FGFR2: variants seen among roughly 807,000 people sequenced by gnomAD.
FGFR2 encodes fibroblast growth factor receptor 2, also known as BEK fibroblast growth factor receptor.
Under a neutral mutation model 95.9 loss-of-function variants are expected in FGFR2, and 19 were observed. The ratio of observed to expected loss-of-function variants is 0.20; its 90% CI spans 0.14 to 0.29. The LOEUF (loss-of-function observed/expected upper bound fraction) is 0.29, where lower values mean the gene tolerates loss of function less well. FGFR2 is among the 10% of genes least tolerant of loss of function. FGFR2 has a pLI of 1.00. For missense variants in FGFR2, 707 were observed against 1,056.9 expected, an observed-to-expected ratio of 0.67 and a Z score of 4.59; for synonymous variants, 392 against 393.3, an observed-to-expected ratio of 1.00 and a Z score of 0.04.
intron 13 of FGFR2, among the ~76,000 whole-genome samples, chr10:121,489,745 T>G (rs1165676033): frequency 6.6e-6 from 1 of 152,194 alleles, no homozygotes; most frequent in Admixed American, 6.5e-5. Flanking sequence ...CAAGTCCTGT[T>G]GATTTCAACT....
At chr10:121,525,529 C>T (rs1326900405) in intron 6 of FGFR2, among the ~76,000 whole-genome samples, 3 of 152,136 alleles carry the variant, frequency 2.0e-5, no homozygotes, top group African/African-American at 7.2e-5. Flanking sequence ...AGGATGGGCT[C>T]TGTCAAGCCC....
intron 2 of FGFR2, among the ~76,000 whole-genome samples, chr10:121,589,993 C>A (rs1862391982): frequency 6.6e-6 from 1 of 152,172 alleles, no homozygotes; most frequent in Non-Finnish European, 1.5e-5. Context: ...TACAATACTT[C>A]TAACAAAGGA....
intron 9 of FGFR2, among the ~76,000 whole-genome samples, chr10:121,513,122 C>A (rs925216994): frequency 6.6e-6 from 1 of 152,238 alleles, no homozygotes; most frequent in African/African-American, 2.4e-5. Flanking sequence ...GATCCACGCG[C>A]CTCAGCCTCC....
chr10:121,559,431 T>C (rs1856638988), intron 4 of FGFR2, among the ~76,000 whole-genome samples: 1 of 152,184 alleles, frequency 6.6e-6, no homozygotes, highest in South Asian at 2.1e-4. Context: ...GCCGTGGCAT[T>C]CCTCTGTCCA....
intron 9 of FGFR2, among the ~76,000 whole-genome samples, chr10:121,504,402 C>T (rs985281861): frequency 1.3e-5 from 2 of 152,132 alleles, no homozygotes; most frequent in Admixed American, 6.5e-5. Context: ...ATTGGCTCTA[C>T]CATATTTCCT....
chr10:121,506,138 C>T (rs914922211), intron 9 of FGFR2, among the ~76,000 whole-genome samples: 3 of 152,048 alleles, frequency 2.0e-5, no homozygotes, highest in Non-Finnish European at 2.9e-5. Flanking sequence ...GGGCAGATCA[C>T]TTGAGGTCAG....
intron 4 of FGFR2, among the ~76,000 whole-genome samples, chr10:121,556,832 C>T (rs1260901429): frequency 6.6e-6 from 1 of 152,186 alleles, no homozygotes; most frequent in Non-Finnish European, 1.5e-5. Flanking sequence ...CCACTAAAGC[C>T]TCTGTCTCGA....
chr10:121,534,913 G>A (rs918854424), intron 6 of FGFR2, among the ~76,000 whole-genome samples: 3 of 152,276 alleles, frequency 2.0e-5, no homozygotes, highest in East Asian at 3.9e-4. Context: ...GAGAAGGTAC[G>A]TCCACGTCCT....
chr10:121,480,970 T>C (rs1039520423), intron 17 of FGFR2, among the ~76,000 whole-genome samples: 4 of 152,088 alleles, frequency 2.6e-5, no homozygotes, highest in African/African-American at 9.7e-5. Flanking sequence ...GAATAAAATT[T>C]ATATACAATT....
chr10:121,480,360 G>A (rs2133694597), intron 17 of FGFR2: 1 of 428,732 alleles, frequency 2.3e-6, no homozygotes, highest in East Asian at 4.1e-5. Context: ...TATAGGTGCT[G>A]GGCAGGCAAC....
At chr10:121,498,757 A>T in intron 11 of FGFR2, 152 bp from the exon 12 acceptor site, 1 of 723,518 alleles carries the variant, frequency 1.4e-6, no homozygotes, top group South Asian at 1.6e-5. Context: ...TTTATCGAGG[A>T]AGGGACAAAG....
intron 9 of FGFR2, among the ~76,000 whole-genome samples, chr10:121,514,607 T>C (rs1023618884): frequency 2.0e-5 from 3 of 152,196 alleles, no homozygotes; most frequent in African/African-American, 4.8e-5. Flanking sequence ...AGAAAGTTAT[T>C]GTGCAACAGT....
intron 5 of FGFR2, among the ~76,000 whole-genome samples, chr10:121,539,928 A>G (rs559911094): frequency 6.6e-6 from 1 of 152,372 alleles, no homozygotes; most frequent in African/African-American, 2.4e-5. Flanking sequence ...GCCAGTGATT[A>G]GCCTGCCAAC....
chr10:121,525,034 A>T (rs1474770380), intron 6 of FGFR2, among the ~76,000 whole-genome samples: 1 of 152,238 alleles, frequency 6.6e-6, no homozygotes, highest in Non-Finnish European at 1.5e-5. Context: ...TTTAGGCAAG[A>T]TTCTCTTCTA....
Position 121,486,448 on chromosome 10 carries a change from A to AT in FGFR2, c.2057+905dup, listed in dbSNP as rs397841402. On this transcript the variant is annotated intron_variant, in intron 15 of 17. Coordinates refer to ENST00000358487, the MANE Select transcript of FGFR2 (RefSeq NM_000141.5). ...ATACAAATAAAAAATAGTTCAAGTGATTTTTTTTTCCCCAGACAGAGTCTC... is the reference window on the plus strand; with the variant it reads ...ATACAAATAAAAAATAGTTCAAGTGATTTTTTTTTTCCCCAGACAGAGTCTC... Among the ~76,000 whole-genome samples the AT allele has an allele frequency of 9.1e-3, 1,377 of 151,728 alleles. 33 individuals are homozygous for AT. The highest frequency in any genetic ancestry group is 0.073 in the South Asian group (349 of 4,774).
intron 2 of FGFR2, among the ~76,000 whole-genome samples, chr10:121,581,761 T>TA (rs55911512): frequency 0.046 from 2,889 of 62,582 alleles, 207 homozygotes; most frequent in African/African-American, 0.14. Context: ...ACCCTGCATT[T>TA]AAAAAAAAAA....
chr10:121,584,031 CCAT>C (rs772136875), intron 2 of FGFR2, among the ~76,000 whole-genome samples: 1 of 151,974 alleles, frequency 6.6e-6, no homozygotes, highest in Non-Finnish European at 1.5e-5. Flanking sequence ...ATCATCATCA[CCAT>C]CATCATCATC....
chr10:121,577,187 A>AGAGAGAGAGAGAGAGAGAGAGAGAGG (rs1356148129), intron 2 of FGFR2, among the ~76,000 whole-genome samples: 35 of 118,088 alleles, frequency 3.0e-4, no homozygotes, highest in African/African-American at 1.2e-3. Context: ...ATAGAGAGAG[A>AGAGAGAGAGAGAGAGAGAGAGAGAGG]GAGAGAGAGA....
chr10:121,567,302 C>G (rs1420515165), intron 2 of FGFR2, among the ~76,000 whole-genome samples: 1 of 152,130 alleles, frequency 6.6e-6, no homozygotes, highest in Non-Finnish European at 1.5e-5. Flanking sequence ...GGCATGCATG[C>G]CAAGCCCCAG....
Sources: gnomAD v4.1 joint callset for allele counts (sites outside exome capture counted in the v4.1 genomes callset) on GRCh38, gnomAD v4.1.1 for gene constraint, MANE v1.5 for transcripts, NCBI Gene and HGNC (gene_info 2026-07-23, HGNC 2026-07-21) for gene names.